The following MYO5B variants were observed in gnomAD, a reference collection of about 807,000 sequenced individuals.
MYO5B encodes unconventional myosin-Vb.
A neutral mutation model predicts 229.3 loss-of-function variants in MYO5B; 143 were observed. The ratio of observed to expected loss-of-function variants is 0.62; its 90% confidence interval spans 0.54 to 0.72. The LOEUF is 0.72. MYO5B is among the 30% of genes least tolerant of loss of function. The probability of loss-of-function intolerance (pLI) is 0.00; values close to 1 mark genes in which losing one functional copy is unlikely to be tolerated. For missense variants in MYO5B, 2,321 were observed against 2,331.0 expected, an observed-to-expected ratio of 1.00 and a Z score of 0.09; for synonymous variants, 918 against 885.2, an observed-to-expected ratio of 1.04 and a Z score of -0.66.
At chr18:49,873,615 G>A (rs1290260514) in intron 26 of MYO5B, among the ~76,000 whole-genome samples, 1 of 152,230 alleles carries the variant, frequency 6.6e-6, no homozygotes, top group Non-Finnish European at 1.5e-5. Flanking sequence ...TGAGAGTTCT[G>A]TACTTGTGTT....
At chr18:49,982,405 C>T (rs995243240) in intron 8 of MYO5B, among the ~76,000 whole-genome samples, 9 of 152,032 alleles carry the variant, frequency 5.9e-5, no homozygotes, top group African/African-American at 1.9e-4. Context: ...TTCCAAAGAC[C>T]GAACCACCCT....
chr18:49,889,869 C>T (rs1318958748), intron 22 of MYO5B, among the ~76,000 whole-genome samples: 2 of 152,238 alleles, frequency 1.3e-5, no homozygotes, highest in East Asian at 3.8e-4. Context: ...CCATGGTTAA[C>T]AGCATGTATG....
At position 49,952,672 on chromosome 18, in the gene MYO5B, A is replaced by G. The variant is rs116278945; in HGVS notation, c.1752+588T>C. 3.9e-3 allele frequency among the ~76,000 whole-genome samples: 587 copies of G among 152,282 alleles called. 6 individuals carry two copies. The highest frequency in any genetic ancestry group is 0.014 in the African/African-American group (568 of 41,546). ...TTCCTCTACCTGTAGAATGGACACA[A>G]TATTTGCTACCTTTTTCCTATGCTT... On this transcript the variant is annotated intron_variant, in intron 14 of 39. Coordinates refer to ENST00000285039, the MANE Select transcript of MYO5B (RefSeq NM_001080467.3).
At chr18:50,028,469 C>A (rs528787242) in intron 4 of MYO5B, among the ~76,000 whole-genome samples, 20 of 152,138 alleles carry the variant, frequency 1.3e-4, no homozygotes, top group Admixed American at 1.2e-3. Flanking sequence ...AAAAGCCATG[C>A]TCATAAGGAA....
chr18:49,936,434 G>A lies in MYO5B; in HGVS notation c.1906-85C>T, dbSNP rs1787596. 134,660 of 951,980 alleles carry A rather than the reference G, an allele frequency of 0.14. 10,742 individuals are homozygous for A. The highest frequency in any genetic ancestry group is 0.24 in the African/African-American group (14,939 of 61,358). 59.0% of individuals were successfully genotyped at this position (951,980 alleles called of 1,614,324 possible). A position where few individuals can be genotyped will look rare whatever the true frequency, so the allele number is the denominator to read the frequency against. ...AAAAACTCATATATGGGTGGCGGTA[G>A]TTATTGTTACTATTATATTATTAAT... On this transcript the variant is annotated intron_variant, in intron 15 of 39. Transcript: ENST00000285039.
At chr18:50,013,708 A>T (rs1374572288) in intron 4 of MYO5B, among the ~76,000 whole-genome samples, 1 of 152,236 alleles carries the variant, frequency 6.6e-6, no homozygotes, top group African/African-American at 2.4e-5. Flanking sequence ...CAAAACTCAC[A>T]ATCATTATCC....
chr18:49,983,425 A>G (rs1444451700), intron 8 of MYO5B, among the ~76,000 whole-genome samples: 1 of 152,200 alleles, frequency 6.6e-6, no homozygotes, highest in African/African-American at 2.4e-5. Context: ...GGGCACCTGC[A>G]GCCTGCTTGT....
intron 1 of MYO5B, among the ~76,000 whole-genome samples, chr18:50,164,434 G>A (rs959405013): frequency 2.0e-5 from 3 of 152,182 alleles, no homozygotes; most frequent in South Asian, 4.1e-4. Flanking sequence ...CCAACACAGC[G>A]TAACTGACAT....
In MYO5B at chr18:49,825,484, C is replaced by CT. The variant is rs1484571338; in HGVS notation, c.*986dup. Reference sequence around the variant, plus strand: ...TATTTTTGAAGGTTTTTCAGATGATCTGATGTGCGAACTTTAGTTTGTTTT... The same window carrying CT: ...TATTTTTGAAGGTTTTTCAGATGATCTTGATGTGCGAACTTTAGTTTGTTTT... On this transcript the variant is annotated 3_prime_UTR_variant, in exon 40 of 40. Transcript: ENST00000285039. The CT allele has an allele frequency of 6.6e-6, 1 of 150,932 alleles. No individual in the cohort carries two copies. The highest frequency in any genetic ancestry group is 2.4e-5 in the African/African-American group (1 of 41,148). The allele number at this position is 150,932 out of a possible 1,614,324, so 9.3% of individuals were successfully genotyped here.
intron 1 of MYO5B, among the ~76,000 whole-genome samples, chr18:50,143,712 G>A (rs2032454246): frequency 6.6e-6 from 1 of 152,190 alleles, no homozygotes; most frequent in Non-Finnish European, 1.5e-5. Flanking sequence ...ATATCTTAGA[G>A]GCTATCTATA....
intron 9 of MYO5B, 127 bp downstream of exon 9, chr18:49,980,317 C>T (rs1235938045): frequency 3.8e-6 from 3 of 782,704 alleles, no homozygotes; most frequent in South Asian, 1.5e-5. Flanking sequence ...AGCAAGTGAA[C>T]AGAAACCATT....
chr18:50,187,635 C>T (rs1279875422), intron 1 of MYO5B, among the ~76,000 whole-genome samples: 1 of 152,180 alleles, frequency 6.6e-6, no homozygotes, highest in Non-Finnish European at 1.5e-5. Context: ...CCCACCTCGG[C>T]CTCCAGAGTA....
At chr18:49,943,642 A>G (rs2025340421) in intron 14 of MYO5B, among the ~76,000 whole-genome samples, 1 of 152,212 alleles carries the variant, frequency 6.6e-6, no homozygotes, top group African/African-American at 2.4e-5. Context: ...TTATCCATCA[A>G]CACTTACTGA....
At chr18:49,842,801 CCT>C (rs1175478930) in intron 34 of MYO5B, among the ~76,000 whole-genome samples, 7 of 152,216 alleles carry the variant, frequency 4.6e-5, no homozygotes, top group Non-Finnish European at 4.4e-5. Flanking sequence ...CACAGCCCTC[CCT>C]GTGTTACCCC....
chr18:50,002,019 G>C (rs1216280301), intron 4 of MYO5B, among the ~76,000 whole-genome samples: 1 of 114,044 alleles, frequency 8.8e-6, no homozygotes, highest in Non-Finnish European at 1.8e-5. Context: ...GTGGGCAACA[G>C]AGCAAAACTC....
chr18:49,986,477 G>C (rs765831148), intron 7 of MYO5B, among the ~76,000 whole-genome samples: 7 of 152,240 alleles, frequency 4.6e-5, no homozygotes, highest in Admixed American at 4.6e-4. Context: ...TACTCTATGA[G>C]TGAAGGTTTC....
intron 4 of MYO5B, among the ~76,000 whole-genome samples, chr18:50,018,862 A>G (rs1210413301): frequency 6.6e-6 from 1 of 152,262 alleles, no homozygotes; most frequent in African/African-American, 2.4e-5. Flanking sequence ...AAGAATCACA[A>G]GAAAGAAGGG....
chr18:50,011,382 A>T (rs1267718024), intron 4 of MYO5B, among the ~76,000 whole-genome samples: 1 of 152,146 alleles, frequency 6.6e-6, no homozygotes. Flanking sequence ...CTTTGTGATT[A>T]TAACTGCTAC....
In MYO5B at chr18:49,899,149, C is replaced by CA. The variant is rs574831274; in HGVS notation, c.2811+3444dup. On this transcript the variant is annotated intron_variant, in intron 21 of 39. Coordinates refer to ENST00000285039, the MANE Select transcript of MYO5B (RefSeq NM_001080467.3). ...TGCTGTTCTCACAAATACCTTGGGA[C>CA]ACCTTCACCTGTGGTGTCCTTGGTG... Among the ~76,000 whole-genome samples, 3 of 152,196 alleles carry CA rather than the reference C, an allele frequency of 2.0e-5. No homozygotes were observed. In the South Asian group the frequency reaches 6.2e-4, roughly 32 times the overall value.
Sources: allele counts gnomAD v4.1 joint callset (sites outside exome capture counted in the v4.1 genomes callset), GRCh38; gene constraint gnomAD v4.1.1; transcripts MANE v1.5; gene names NCBI Gene and HGNC (gene_info 2026-07-23, HGNC 2026-07-21).